TNKS: variants seen among roughly 807,000 people sequenced by gnomAD.
TNKS encodes the protein tankyrase.
Under a neutral mutation model 135.8 loss-of-function variants are expected in TNKS, and 72 were observed. The observed-to-expected ratio is 0.53, with a 90% CI of 0.44 to 0.64. The LOEUF is 0.64. TNKS is among the 30% of genes least tolerant of loss of function. TNKS has a pLI of 0.00. For synonymous variants in TNKS, 849 were observed against 649.3 expected (o/e 1.31, Z -4.68); for missense variants, 1,769 against 1,674.0 (o/e 1.06, Z -0.99).
intron 18 of TNKS, among the ~76,000 whole-genome samples, chr8:9,750,744 G>T (rs774944049): frequency 6.6e-6 from 1 of 152,174 alleles, no homozygotes; most frequent in African/African-American, 2.4e-5. Flanking sequence ...AGGGTTTAAC[G>T]TGACAATTTA....
chr8:9,684,868 G>A (rs1481774301), intron 5 of TNKS, among the ~76,000 whole-genome samples: 3 of 152,262 alleles, frequency 2.0e-5, no homozygotes, highest in Non-Finnish European at 4.4e-5. Flanking sequence ...CATTATGGAA[G>A]ACATTGAAGC....
intron 1 of TNKS, among the ~76,000 whole-genome samples, chr8:9,571,095 A>G (rs1381819549): frequency 6.6e-6 from 1 of 152,204 alleles, no homozygotes; most frequent in Non-Finnish European, 1.5e-5. Context: ...CATTCATTGT[A>G]CTATGTTTAA....
At chr8:9,565,201 C>G (rs1797478693) in intron 1 of TNKS, among the ~76,000 whole-genome samples, 1 of 152,142 alleles carries the variant, frequency 6.6e-6, no homozygotes, top group Non-Finnish European at 1.5e-5. Flanking sequence ...AGAATTAAAG[C>G]AGCGTGAGGG....
intron 26 of TNKS, among the ~76,000 whole-genome samples, chr8:9,773,898 C>T (rs1808084505): frequency 6.6e-6 from 1 of 152,120 alleles, no homozygotes; most frequent in Non-Finnish European, 1.5e-5. Flanking sequence ...GGGAAGTTTT[C>T]CTTTGCTAAC....
chr8:9,602,043 G>T (rs1799037002), intron 2 of TNKS, among the ~76,000 whole-genome samples: 1 of 152,012 alleles, frequency 6.6e-6, no homozygotes, highest in African/African-American at 2.4e-5. Context: ...GGCATATTTA[G>T]CTATATCTGG....
At chr8:9,752,088 C>A (rs1374570144) in intron 19 of TNKS, among the ~76,000 whole-genome samples, 2 of 152,068 alleles carry the variant, frequency 1.3e-5, no homozygotes, top group Non-Finnish European at 2.9e-5. Flanking sequence ...TCTTATTGAA[C>A]CACTTATACT....
intron 3 of TNKS, among the ~76,000 whole-genome samples, chr8:9,672,681 T>TATACAC (rs1382825301): frequency 2.4e-5 from 2 of 84,692 alleles, no homozygotes; most frequent in Non-Finnish European, 4.4e-5. Context: ...AAAAAACACA[T>TATACAC]ACACACACAC....
At chr8:9,564,496 C>G (rs6990418) in intron 1 of TNKS, among the ~76,000 whole-genome samples, 61,723 of 152,116 alleles carry the variant, frequency 0.41, 12,884 homozygotes, top group East Asian at 0.6. Context: ...AACATGAGCT[C>G]TGTGATGACA....
In TNKS at chr8:9,556,300, G is replaced by T; in HGVS notation, c.361G>T (p.Ala121Ser). 6.2e-7 allele frequency: 1 copy of T among 1,614,248 alleles called. No individual in the cohort carries two copies. The highest frequency in any genetic ancestry group is 1.3e-5 in the African/African-American group (1 of 75,068). The part of the protein sequence containing the change: ...SSAAGVAPNP[A>S]GSGSNNSPSS... ...TGCCGCTGGGGTCGCTCCCAACCCA[G>T]CCGGCAGTGGCAGTAACAATTCACC... Residue 121 changes from alanine to serine, a missense_variant, in exon 1 of 27, where the codon GCC becomes TCC. By Grantham distance (99) the Ala-to-Ser change is moderately conservative. Transcript: ENST00000310430.
intron 25 of TNKS, among the ~76,000 whole-genome samples, chr8:9,767,604 G>T (rs1195463910): frequency 6.6e-6 from 1 of 152,140 alleles, no homozygotes; most frequent in Non-Finnish European, 1.5e-5. Flanking sequence ...GCCATTTGGA[G>T]TCGGATGTCA....
intron 17 of TNKS, among the ~76,000 whole-genome samples, chr8:9,744,747 A>C (rs1411189757): frequency 6.6e-6 from 1 of 152,190 alleles, no homozygotes; most frequent in Non-Finnish European, 1.5e-5. Flanking sequence ...TGGTGTAGCT[A>C]TTTAAAAGAA....
intron 3 of TNKS, among the ~76,000 whole-genome samples, chr8:9,632,701 C>T (rs1263929807): frequency 1.3e-5 from 2 of 152,264 alleles, no homozygotes; most frequent in East Asian, 3.9e-4. Context: ...ACTTCTTTTA[C>T]TTTTGGTTTA....
At chr8:9,759,992 CA>C (rs529191810) in intron 20 of TNKS, among the ~76,000 whole-genome samples, 205 of 112,334 alleles carry the variant, frequency 1.8e-3, no homozygotes, top group Middle Eastern at 4.4e-3. Flanking sequence ...GAAAACAAAA[CA>C]AAAAAAAAAA....
intron 26 of TNKS, among the ~76,000 whole-genome samples, chr8:9,773,021 T>C (rs1467158135): frequency 6.6e-6 from 1 of 151,790 alleles, no homozygotes; most frequent in Admixed American, 6.6e-5. Context: ...ACTTGTAAGT[T>C]GGTAGCTGTT....
Position 9,763,196 on chromosome 8 carries a change from G to A in TNKS, c.3324G>A (p.Leu1108=). 1 of 1,606,368 alleles carries A rather than the reference G, an allele frequency of 6.2e-7. No individual in the cohort carries two copies. Among genetic ancestry groups the A allele is most frequent in the Non-Finnish European group, 8.5e-7 (1 of 1,175,984 alleles). ...ACTGTGTTAATCAGGGAACGATTTT[G>A]CTGGATCTTGCTCCAGAAGATAAAG... ...TFHCVNQGTI[L]LDLAPEDKEY... Residue 1108 remains leucine (L), a synonymous_variant, in exon 22 of 27, where the codon TTG becomes TTA. Coordinates refer to ENST00000310430, the MANE Select transcript of TNKS (RefSeq NM_003747.3).
chr8:9,640,210 T>A (rs1378416920), intron 3 of TNKS, among the ~76,000 whole-genome samples: 5 of 152,280 alleles, frequency 3.3e-5, no homozygotes, highest in Non-Finnish European at 4.4e-5. Flanking sequence ...TTCTCACAAT[T>A]TCTCACAAAT....
Position 9,781,805 on chromosome 8 carries a change from T to TCGTG in TNKS, c.*5070_*5073dup, listed in dbSNP as rs1808469341. ...GTGTAGTGACTCTTTGGTTCATTAT[T>TCGTG]CGTGTTGTTTTTATTTTTAGTCTCT... On this transcript the variant is annotated 3_prime_UTR_variant, in exon 27 of 27. Coordinates refer to ENST00000310430, the MANE Select transcript of TNKS (RefSeq NM_003747.3). The TCGTG allele has an allele frequency of 6.6e-6, 1 of 152,608 alleles. No individual in the cohort carries two copies. Among genetic ancestry groups the TCGTG allele is most frequent in the African/African-American group, 2.4e-5 (1 of 41,436 alleles). 9.5% of individuals were successfully genotyped at this position (152,608 alleles called of 1,614,324 possible).
At chr8:9,705,644 G>T (rs1388821734) in intron 6 of TNKS, among the ~76,000 whole-genome samples, 1 of 152,174 alleles carries the variant, frequency 6.6e-6, no homozygotes, top group Non-Finnish European at 1.5e-5. Context: ...TAGTATAGGG[G>T]CATAAATGCC....
At chr8:9,600,521 C>T (rs1248902044) in intron 2 of TNKS, among the ~76,000 whole-genome samples, 3 of 151,982 alleles carry the variant, frequency 2.0e-5, no homozygotes, top group African/African-American at 4.8e-5. Flanking sequence ...CCATGTTGAC[C>T]GGGATGGTCT....
Sources: gnomAD v4.1 joint callset for allele counts (sites outside exome capture counted in the v4.1 genomes callset) on GRCh38, gnomAD v4.1.1 for gene constraint, MANE v1.5 for transcripts, NCBI Gene and HGNC (gene_info 2026-07-23, HGNC 2026-07-21) for gene names.